MARCHF1: variants seen among roughly 807,000 people sequenced by gnomAD.
The protein encoded by MARCHF1 is E3 ubiquitin-protein ligase MARCHF1.
A neutral mutation model predicts 54.2 loss-of-function variants in MARCHF1; 40 were observed. The observed-to-expected ratio is 0.74, with a 90% confidence interval of 0.57 to 0.96. The LOEUF (loss-of-function observed/expected upper bound fraction) is 0.96, where lower values mean the gene tolerates loss of function less well. Among genes scored for constraint, MARCHF1 ranks in the 40% least tolerant of loss-of-function variants. MARCHF1 has a pLI of 0.00. For synonymous variants in MARCHF1, 236 were observed against 236.3 expected, an observed-to-expected ratio of 1.00 and a Z score of 0.01; for missense variants, 586 against 656.5, an observed-to-expected ratio of 0.89 and a Z score of 1.17.
intron 1 of MARCHF1, among the ~76,000 whole-genome samples, chr4:164,300,693 A>G (rs1734532936): frequency 6.6e-6 from 1 of 152,150 alleles, no homozygotes; most frequent in African/African-American, 2.4e-5. Flanking sequence ...TGTGTGTGCC[A>G]CTACATCCAG....
chr4:163,808,671 C>A (rs996552013), intron 4 of MARCHF1, among the ~76,000 whole-genome samples: 6 of 152,058 alleles, frequency 3.9e-5, no homozygotes, highest in African/African-American at 1.4e-4. Context: ...TGGGTTCAAG[C>A]CATTCTCCTG....
intron 1 of MARCHF1, among the ~76,000 whole-genome samples, chr4:164,203,908 T>C (rs962230691): frequency 1.3e-5 from 2 of 152,160 alleles, no homozygotes; most frequent in Non-Finnish European, 2.9e-5. Context: ...TTTATTCTAC[T>C]ATCATGTTTA....
intron 1 of MARCHF1, among the ~76,000 whole-genome samples, chr4:164,302,342 T>C (rs973535856): frequency 7.9e-5 from 12 of 152,184 alleles, no homozygotes; most frequent in African/African-American, 2.9e-4. Flanking sequence ...ACATGACAAG[T>C]AAAATTTATA....
rs566904231 is a variant in MARCHF1 at position 163,551,821 on chromosome 4, C to T, written c.1192-6078G>A. 5.9e-5 allele frequency among the ~76,000 whole-genome samples: 9 copies of T among 152,218 alleles called. No individual in the cohort carries two copies. In the East Asian group the frequency reaches 1.5e-3, roughly 26 times the overall value. On this transcript the variant is annotated intron_variant, in intron 8 of 9. Coordinates refer to ENST00000514618, the MANE Select transcript of MARCHF1 (RefSeq NM_001394959.1). ...ATGAGGTCTCTCTCTTGCCTGCTGC[C>T]GTGTAAGACATGCCTTTCACTGTCT... is the stretch of plus-strand genomic sequence containing the variant.
intron 2 of MARCHF1, among the ~76,000 whole-genome samples, chr4:164,090,427 A>G (rs1755274063): frequency 6.6e-6 from 1 of 152,138 alleles, no homozygotes; most frequent in South Asian, 2.1e-4. Flanking sequence ...TGTGATGATT[A>G]AATTTTGAAA....
Position 164,340,408 on chromosome 4 carries a change from T to TATACATAC in MARCHF1, c.-323+43461_-323+43462insGTATGTAT, listed in dbSNP as rs1312862685. The stretch of plus-strand genomic sequence containing the variant: ...GCACATGCCACCAGGCCTTGATTTA[T>TATACATAC]ATATAGATATATATATATATATATA... On this transcript the variant is annotated intron_variant, in intron 1 of 9. Transcript: ENST00000514618. Among the ~76,000 whole-genome samples the TATACATAC allele has an allele frequency of 2.5e-4, 31 of 121,916 alleles. 2 individuals are homozygous for TATACATAC. Among genetic ancestry groups the TATACATAC allele is most frequent in the East Asian group, 1.2e-3 (4 of 3,434 alleles). The allele number at this position is 121,916 out of a possible 152,430, so 80.0% of individuals were successfully genotyped here.
intron 1 of MARCHF1, among the ~76,000 whole-genome samples, chr4:164,115,690 T>C (rs1238179525): frequency 3.3e-5 from 5 of 152,080 alleles, no homozygotes; most frequent in African/African-American, 1.2e-4. Context: ...ATGGTGTAAG[T>C]TTGGTATAAC....
At chr4:163,649,237 C>T (rs754207677) in intron 5 of MARCHF1, among the ~76,000 whole-genome samples, 2 of 151,962 alleles carry the variant, frequency 1.3e-5, no homozygotes, top group Admixed American at 6.6e-5. Flanking sequence ...ATAGGCTACT[C>T]GAGCCCTCAC....
At chr4:163,573,246 C>A (rs77052207) in intron 8 of MARCHF1, among the ~76,000 whole-genome samples, 3 of 151,620 alleles carry the variant, frequency 2.0e-5, no homozygotes, top group Non-Finnish European at 4.4e-5. Flanking sequence ...ATTTTGTCAG[C>A]AAAGAGAGAT....
intron 1 of MARCHF1, among the ~76,000 whole-genome samples, chr4:164,252,017 A>C (rs549641640): frequency 2.5e-4 from 38 of 152,176 alleles, no homozygotes; most frequent in Non-Finnish European, 5.3e-4. Context: ...AAATCTCTGA[A>C]ATTACTTTCA....
intron 3 of MARCHF1, among the ~76,000 whole-genome samples, chr4:163,888,536 T>C (rs1211854324): frequency 6.6e-6 from 1 of 152,202 alleles, no homozygotes; most frequent in Non-Finnish European, 1.5e-5. Context: ...CTTTTGTCTT[T>C]AGCAAAAGAA....
chr4:164,241,745 A>C (rs973626317), intron 1 of MARCHF1, among the ~76,000 whole-genome samples: 1 of 152,158 alleles, frequency 6.6e-6, no homozygotes, highest in Admixed American at 6.5e-5. Context: ...AGTGCCAGAC[A>C]GTGGGCACAG....
chr4:164,266,927 C>T (rs1449271554), intron 1 of MARCHF1, among the ~76,000 whole-genome samples: 1 of 152,168 alleles, frequency 6.6e-6, no homozygotes, highest in East Asian at 1.9e-4. Context: ...AAGCAATACT[C>T]ATTAAAAGCC....
intron 1 of MARCHF1, among the ~76,000 whole-genome samples, chr4:164,277,820 A>G (rs1488264801): frequency 6.6e-6 from 1 of 152,242 alleles, no homozygotes; most frequent in Non-Finnish European, 1.5e-5. Flanking sequence ...CATCCAGTGC[A>G]CCATTTAGAA....
At chr4:163,611,561 T>A (rs1741341488) in intron 7 of MARCHF1, among the ~76,000 whole-genome samples, 1 of 152,308 alleles carries the variant, frequency 6.6e-6, no homozygotes, top group Non-Finnish European at 1.5e-5. Flanking sequence ...GTCTCATTTA[T>A]GCACACTAGC....
chr4:163,733,854 G>T (rs1451125029), intron 4 of MARCHF1, among the ~76,000 whole-genome samples: 4 of 152,120 alleles, frequency 2.6e-5, no homozygotes, highest in African/African-American at 4.8e-5. Flanking sequence ...ATCTTCAAAT[G>T]ACACTAGTAA....
rs1249937120 is a variant in MARCHF1 at position 164,093,595 on chromosome 4, AT to A, written c.-248+17992del. ...TGGTTAAGTTTTCAATTAGGGTTGA[AT>A]ATTAGAACCCAGGAGAAATGGAATA... On this transcript the variant is annotated intron_variant, in intron 2 of 9. Coordinates refer to ENST00000514618, the MANE Select transcript of MARCHF1 (RefSeq NM_001394959.1). Among the ~76,000 whole-genome samples the A allele has an allele frequency of 2.0e-5, 3 of 152,258 alleles. No homozygotes were observed. In the East Asian group the frequency reaches 5.8e-4, roughly 29 times the overall value.
chr4:164,076,651 C>T (rs1754987646), intron 2 of MARCHF1, among the ~76,000 whole-genome samples: 1 of 152,116 alleles, frequency 6.6e-6, no homozygotes, highest in Admixed American at 6.6e-5. Flanking sequence ...TGCCTGAGCC[C>T]CAAATCTCCT....
intron 4 of MARCHF1, among the ~76,000 whole-genome samples, chr4:163,713,105 CA>C (rs1227928113): frequency 2.6e-5 from 4 of 151,334 alleles, no homozygotes; most frequent in East Asian, 1.9e-4. Context: ...TTTTTAAAAA[CA>C]AAAAAAATCA....
Sources: allele counts gnomAD v4.1 joint callset (sites outside exome capture counted in the v4.1 genomes callset), GRCh38; gene constraint gnomAD v4.1.1; transcripts MANE v1.5; gene names NCBI Gene and HGNC (gene_info 2026-07-23, HGNC 2026-07-21).